The following PPP1R7 variants were observed in gnomAD, a reference collection of about 807,000 sequenced individuals.
PPP1R7 encodes protein phosphatase 1 regulatory subunit 7, also known as protein phosphatase 1 regulatory subunit 22.
Under a neutral mutation model 45.2 loss-of-function variants are expected in PPP1R7, and 18 were observed. The ratio of observed to expected loss-of-function variants is 0.40; its 90% CI spans 0.28 to 0.59. The LOEUF (loss-of-function observed/expected upper bound fraction) is 0.59. PPP1R7 is among the 20% of genes least tolerant of loss of function. The pLI, the probability that PPP1R7 is intolerant of heterozygous loss-of-function variation, is 0.46. For missense variants in PPP1R7, 314 were observed against 455.8 expected, an observed-to-expected ratio of 0.69 and a Z score of 2.83; for synonymous variants, 181 against 183.4, an observed-to-expected ratio of 0.99 and a Z score of 0.11.
At chr2:241,168,485 G>A (rs2149064247) in intron 8 of PPP1R7, among the ~76,000 whole-genome samples, 1 of 152,352 alleles carries the variant, frequency 6.6e-6, no homozygotes, top group Non-Finnish European at 1.5e-5. Context: ...CCCACCGCCA[G>A]GCGGTGTGTC....
Position 241,158,630 on chromosome 2 carries a change from G to A in PPP1R7, c.303+81G>A, listed in dbSNP as rs1198774630. 2.1e-6 allele frequency: 3 copies of A among 1,410,640 alleles called. No homozygotes were observed. The African/African-American group carries it at 4.2e-5, about 20-fold the overall frequency. 87.4% of individuals were successfully genotyped at this position (1,410,640 alleles called of 1,614,324 possible). ...TCCAGAATCGAGCAGTCAGTCCTGA[G>A]TTGTGGTCCTTGTCCCAGCCTGTGG... On this transcript the variant is annotated intron_variant, in intron 4 of 9. Coordinates refer to ENST00000234038, the MANE Select transcript of PPP1R7 (RefSeq NM_002712.3).
At chr2:241,175,935 G>A (rs938436282) in intron 9 of PPP1R7, among the ~76,000 whole-genome samples, 1 of 152,114 alleles carries the variant, frequency 6.6e-6, no homozygotes, top group Non-Finnish European at 1.5e-5. Context: ...ATGCCACCAC[G>A]CCTGGCTAAT....
At chr2:241,170,252 C>T (rs909575343) in intron 9 of PPP1R7, among the ~76,000 whole-genome samples, 1 of 152,174 alleles carries the variant, frequency 6.6e-6, no homozygotes, top group Non-Finnish European at 1.5e-5. Context: ...TTGCAAACCT[C>T]AGCAGAGAGG....
chr2:241,153,085 A>G (rs144869545), intron 1 of PPP1R7, among the ~76,000 whole-genome samples: 3 of 152,338 alleles, frequency 2.0e-5, no homozygotes, highest in African/African-American at 7.2e-5. Flanking sequence ...GGATGGAGGT[A>G]TGTGGCAGAA....
chr2:241,159,054 A>T (rs1316415865), intron 4 of PPP1R7, 159 bp from the exon 5 acceptor site: 11 of 881,328 alleles, frequency 1.2e-5, no homozygotes, highest in African/African-American at 3.4e-5. Context: ...GCCCTTGCCC[A>T]CCTGCCTCTC....
chr2:241,162,140 T>A (rs1305286179), intron 6 of PPP1R7, among the ~76,000 whole-genome samples: 1 of 152,186 alleles, frequency 6.6e-6, no homozygotes, highest in African/African-American at 2.4e-5. Flanking sequence ...AGCCCAGATG[T>A]CCGCATTTTA....
rs143262164 is a variant in PPP1R7, at chr2:241,158,580, C to T, written c.303+31C>T. ...AGGGACTCTTATGAGGGGACTATGA[C>T]GCTCACCCATAGGATGTGGATAAGT... is the stretch of plus-strand genomic sequence containing the variant. On this transcript the variant is annotated intron_variant, in intron 4 of 9. Coordinates refer to ENST00000234038, the MANE Select transcript of PPP1R7 (RefSeq NM_002712.3). 4.4e-4 allele frequency: 700 copies of T among 1,587,972 alleles called. 2 individuals carry two copies. The African/African-American group carries it at 8.0e-3, about 18-fold the overall frequency.
At chr2:241,152,624 C>G (rs1287813686) in intron 1 of PPP1R7, among the ~76,000 whole-genome samples, 1 of 152,184 alleles carries the variant, frequency 6.6e-6, no homozygotes, top group African/African-American at 2.4e-5. Flanking sequence ...TGAACTTTTT[C>G]CCTCAAAGAG....
intron 5 of PPP1R7, among the ~76,000 whole-genome samples, chr2:241,159,602 TG>T (rs777475417): frequency 1.3e-5 from 2 of 152,218 alleles, no homozygotes; most frequent in Non-Finnish European, 2.9e-5. Context: ...AAGGCTGCAG[TG>T]GGGACTTCTG....
At chr2:241,154,623 T>A (rs2067407163) in intron 2 of PPP1R7, among the ~76,000 whole-genome samples, 1 of 152,202 alleles carries the variant, frequency 6.6e-6, no homozygotes, top group African/African-American at 2.4e-5. Context: ...GAGAATCGCT[T>A]GAACCAGGGA....
chr2:241,159,026 A>T, intron 4 of PPP1R7, 187 bp from the exon 5 acceptor site: 1 of 660,730 alleles, frequency 1.5e-6, no homozygotes, highest in Non-Finnish European at 2.5e-6. Context: ...CAGGTGTGTT[A>T]AGGAATTATA....
chr2:241,156,189 C>T (rs1367361512), intron 2 of PPP1R7, among the ~76,000 whole-genome samples: 3 of 152,152 alleles, frequency 2.0e-5, no homozygotes, highest in Admixed American at 6.5e-5. Flanking sequence ...AGCAAGTGCA[C>T]GTTTGCTCTA....
At chr2:241,150,571 G>A in intron 1 of PPP1R7, 24 bp downstream of exon 1, 3 of 1,578,878 alleles carry the variant, frequency 1.9e-6, no homozygotes, top group Non-Finnish European at 2.6e-6. Flanking sequence ...GCGGGCGGCG[G>A]CCCAAGGGCC....
intron 7 of PPP1R7, among the ~76,000 whole-genome samples, chr2:241,164,990 G>T (rs1681664244): frequency 6.6e-6 from 1 of 152,130 alleles, no homozygotes; most frequent in Non-Finnish European, 1.5e-5. Flanking sequence ...GGACATTGCA[G>T]TGAGCCAAGG....
Position 241,157,859 on chromosome 2 carries a change from A to T in PPP1R7, c.234A>T (p.Ala78=). 6 of 1,613,922 alleles carry T rather than the reference A, an allele frequency of 3.7e-6. No homozygotes were observed. Among genetic ancestry groups the T allele is most frequent in the Non-Finnish European group, 5.1e-6 (6 of 1,179,754 alleles). The change falls in exon 3 of 10, where the codon GCA becomes GCT. Residue 78 remains alanine (A), a synonymous_variant. Coordinates refer to ENST00000234038, the MANE Select transcript of PPP1R7 (RefSeq NM_002712.3). ...DMETINLDRD[A]EDVDLNHYRI... ...AAACCATCAACCTGGACAGAGATGC[A>T]GAGGTAATGCCGCCTGCTCAGCCCA...
intron 9 of PPP1R7, among the ~76,000 whole-genome samples, chr2:241,180,232 T>G (rs1045483413): frequency 2.0e-5 from 3 of 152,160 alleles, no homozygotes; most frequent in Admixed American, 2.0e-4. Context: ...CAGTGTGATA[T>G]TGCTACTTTC....
chr2:241,158,640 T>C (rs1036499250), intron 4 of PPP1R7, 91 bp downstream of exon 4: 29 of 1,337,468 alleles, frequency 2.2e-5, no homozygotes, highest in Middle Eastern at 1.8e-4. Context: ...GTTGTGGTCC[T>C]TGTCCCAGCC....
At chr2:241,161,969 C>G (rs1300643573) in intron 6 of PPP1R7, among the ~76,000 whole-genome samples, 2 of 152,174 alleles carry the variant, frequency 1.3e-5, no homozygotes, top group African/African-American at 2.4e-5. Context: ...CTCTACTTGG[C>G]TTCTGGAAGT....
upstream of PPP1R7, chr2:241,150,428 G>C (rs570298783): frequency 3.2e-5 from 47 of 1,446,598 alleles, no homozygotes; most frequent in East Asian, 1.3e-3. Flanking sequence ...GGCCGGCTCT[G>C]AGGCGGGAGC....
Sources: gnomAD v4.1 joint callset for allele counts (sites outside exome capture counted in the v4.1 genomes callset) on GRCh38, gnomAD v4.1.1 for gene constraint, MANE v1.5 for transcripts, NCBI Gene and HGNC (gene_info 2026-07-23, HGNC 2026-07-21) for gene names.